Variants in LUZP2 observed in about 807,000 individuals in gnomAD.
LUZP2 encodes leucine zipper protein 2.
LUZP2 carries 52 observed loss-of-function variants against 51.6 expected under a neutral mutation model. The observed-to-expected ratio is 1.01, with a 90% CI of 0.81 to 1.27. LUZP2 has a LOEUF of 1.27. Ranked by LOEUF, LUZP2 falls within the 50% of genes most tolerant of loss-of-function variation. The pLI is 0.00. For missense variants in LUZP2, 436 were observed against 395.4 expected, an observed-to-expected ratio of 1.10 and a Z score of -0.87; for synonymous variants, 154 against 137.3, an observed-to-expected ratio of 1.12 and a Z score of -0.85.
chr11:25,020,973 A>T (rs888971545), intron 9 of LUZP2, among the ~76,000 whole-genome samples: 2 of 151,904 alleles, frequency 1.3e-5, no homozygotes, highest in African/African-American at 4.8e-5. Context: ...AAGTTCCTGG[A>T]TTCTGGTGAC....
At chr11:24,554,793 C>T (rs947347158) in intron 1 of LUZP2, among the ~76,000 whole-genome samples, 1 of 147,324 alleles carries the variant, frequency 6.8e-6, no homozygotes, top group South Asian at 2.1e-4. Flanking sequence ...AAAGTTATCC[C>T]TAAAGTTTAT....
chr11:24,846,888 CAT>C (rs1197946656), intron 5 of LUZP2, among the ~76,000 whole-genome samples: 2 of 151,502 alleles, frequency 1.3e-5, no homozygotes, highest in East Asian at 1.9e-4. Context: ...TATATAAACA[CAT>C]ATATATGCAT....
intron 9 of LUZP2, among the ~76,000 whole-genome samples, chr11:25,007,069 A>G (rs1856851468): frequency 6.6e-6 from 1 of 152,166 alleles, no homozygotes; most frequent in Non-Finnish European, 1.5e-5. Context: ...ACCTTTAGCT[A>G]GACATAGAGC....
chr11:24,705,899 G>T (rs1025843431), intron 1 of LUZP2, among the ~76,000 whole-genome samples: 1 of 148,320 alleles, frequency 6.7e-6, no homozygotes, highest in Non-Finnish European at 1.5e-5. Context: ...CAAAATTCCA[G>T]CAATGGAAAA....
intron 1 of LUZP2, among the ~76,000 whole-genome samples, chr11:24,630,212 A>G (rs999575099): frequency 5.9e-5 from 9 of 151,710 alleles, no homozygotes; most frequent in Admixed American, 5.9e-4. Flanking sequence ...TCACTTATCT[A>G]TTTTTGTTTT....
chr11:24,553,993 G>A (rs1851795110), intron 1 of LUZP2, among the ~76,000 whole-genome samples: 1 of 152,104 alleles, frequency 6.6e-6, no homozygotes, highest in South Asian at 2.1e-4. Context: ...GTGAGGGCTG[G>A]GAAACGGACT....
At chr11:25,020,020 A>G (rs1437112808) in intron 9 of LUZP2, among the ~76,000 whole-genome samples, 2 of 152,168 alleles carry the variant, frequency 1.3e-5, no homozygotes, top group Non-Finnish European at 2.9e-5. Flanking sequence ...GAGAATTTAT[A>G]GGTTCCACTT....
At chr11:24,640,960 TAGATATAGATATAGATATAGATA>T (rs1855258526) in intron 1 of LUZP2, among the ~76,000 whole-genome samples, 1 of 1,606 alleles carries the variant, frequency 6.2e-4, no homozygotes, top group African/African-American at 1.2e-3. Flanking sequence ...TATATCTGTA[TAGATATAGATATAGATATAGATA>T]TAGATATAGA....
chr11:24,505,516 C>A (rs1297744135), intron 1 of LUZP2, among the ~76,000 whole-genome samples: 1 of 152,050 alleles, frequency 6.6e-6, no homozygotes, highest in African/African-American at 2.4e-5. Context: ...CAGAGAAATA[C>A]AGCTCACTAT....
At chr11:24,827,862 A>G (rs1480996672) in intron 5 of LUZP2, among the ~76,000 whole-genome samples, 1 of 152,158 alleles carries the variant, frequency 6.6e-6, no homozygotes, top group Non-Finnish European at 1.5e-5. Flanking sequence ...TGGATAACCC[A>G]TGATCATAAG....
At chr11:24,822,291 A>C (rs1174190530) in intron 5 of LUZP2, among the ~76,000 whole-genome samples, 1 of 152,128 alleles carries the variant, frequency 6.6e-6, no homozygotes, top group African/African-American at 2.4e-5. Flanking sequence ...CCTGAGCTGA[A>C]TGGATCCTAA....
At chr11:24,602,170 A>ACATATATGTG (rs1853711997) in intron 1 of LUZP2, among the ~76,000 whole-genome samples, 1 of 132,106 alleles carries the variant, frequency 7.6e-6, no homozygotes, top group African/African-American at 2.8e-5. Flanking sequence ...ATATATGTGT[A>ACATATATGTG]TATATATGTG....
intron 1 of LUZP2, among the ~76,000 whole-genome samples, chr11:24,675,737 T>C (rs1481574005): frequency 6.6e-6 from 1 of 151,854 alleles, no homozygotes; most frequent in Non-Finnish European, 1.5e-5. Context: ...TTATTACTAT[T>C]AATATGTCTG....
chr11:24,553,637 C>T (rs1020256994), intron 1 of LUZP2, among the ~76,000 whole-genome samples: 1 of 151,914 alleles, frequency 6.6e-6, no homozygotes, highest in Non-Finnish European at 1.5e-5. Flanking sequence ...AAAATAGGAC[C>T]GTTCTCTCTT....
intron 7 of LUZP2, among the ~76,000 whole-genome samples, chr11:24,928,918 G>A (rs1334287425): frequency 6.6e-6 from 1 of 151,856 alleles, no homozygotes; most frequent in East Asian, 1.9e-4. Context: ...CTTGTTATTG[G>A]TCTCTTCAGA....
intron 1 of LUZP2, among the ~76,000 whole-genome samples, chr11:24,619,814 A>G (rs897112010): frequency 6.6e-6 from 1 of 152,186 alleles, no homozygotes; most frequent in African/African-American, 2.4e-5. Flanking sequence ...ATAATAAGAA[A>G]AAAAGTCTAT....
chr11:24,871,841 A>G (rs1215283043), intron 5 of LUZP2, among the ~76,000 whole-genome samples: 1 of 152,130 alleles, frequency 6.6e-6, no homozygotes, highest in Non-Finnish European at 1.5e-5. Context: ...GGAATGAGCT[A>G]TATGTACAAC....
chr11:24,722,522 A>G (rs1858314512), intron 1 of LUZP2, among the ~76,000 whole-genome samples: 1 of 152,198 alleles, frequency 6.6e-6, no homozygotes, highest in Non-Finnish European at 1.5e-5. Flanking sequence ...TGTAGGAATC[A>G]TGGGAGTTAA....
At chr11:24,516,240 G>A (rs1449289809) in intron 1 of LUZP2, among the ~76,000 whole-genome samples, 1 of 151,978 alleles carries the variant, frequency 6.6e-6, no homozygotes, top group African/African-American at 2.4e-5. Flanking sequence ...GTTAATTTGT[G>A]GAAATGAATG....
Sources: gnomAD v4.1 joint callset for allele counts (sites outside exome capture counted in the v4.1 genomes callset) on GRCh38, gnomAD v4.1.1 for gene constraint, MANE v1.5 for transcripts, NCBI Gene and HGNC (gene_info 2026-07-23, HGNC 2026-07-21) for gene names.